The following SEPTIN12 variants were observed in gnomAD, a reference collection of about 807,000 sequenced individuals.
The protein encoded by SEPTIN12 is septin 12.
Under a neutral mutation model 37.7 loss-of-function variants are expected in SEPTIN12, and 42 were observed. That is an observed-to-expected ratio of 1.11 (90% CI 0.87 to 1.44). SEPTIN12 has a LOEUF of 1.44. Among genes scored for constraint, SEPTIN12 ranks in the 40% most tolerant of loss-of-function variants. SEPTIN12 has a pLI of 0.00. For missense variants in SEPTIN12, 613 were observed against 479.2 expected (o/e 1.28, Z -2.61); for synonymous variants, 254 against 196.7 (o/e 1.29, Z -2.44).
intron 8 of SEPTIN12, among the ~76,000 whole-genome samples, 154 bp from the exon 9 acceptor site, chr16:4,778,291 C>G (rs1405569723): frequency 1.3e-5 from 2 of 152,232 alleles, no homozygotes; most frequent in African/African-American, 4.8e-5. Context: ...CATTCATTCA[C>G]CCACTGTTGT....
rs747794006 is a variant in SEPTIN12 at position 4,784,273 on chromosome 16, ACTGT to A, written c.375-209_375-206del. The A allele has an allele frequency of 8.9e-4, 524 of 585,670 alleles. 2 individuals are homozygous for A. Among genetic ancestry groups the A allele is most frequent in the Non-Finnish European group, 1.2e-4 (39 of 327,484 alleles). The allele number at this position is 585,670 out of a possible 1,614,324, so 36.3% of individuals were successfully genotyped here. ...GAGACCTCCTGCCATTCTCGGCTTC[ACTGT>A]CTGTAAAATGGAGACAATAGTAGCA... On this transcript the variant is annotated intron_variant, in intron 4 of 9. Coordinates refer to ENST00000268231, the MANE Select transcript of SEPTIN12 (RefSeq NM_144605.5).
chr16:4,787,345 C>T lies in SEPTIN12; in HGVS notation c.166+135G>A, dbSNP rs1027002675. 1.3e-4 allele frequency: 109 copies of T among 818,176 alleles called. No homozygotes were observed. In the African/African-American group the frequency reaches 1.7e-3, roughly 13 times the overall value. 50.7% of individuals were successfully genotyped at this position (818,176 alleles called of 1,614,324 possible). On this transcript the variant is annotated intron_variant, in intron 2 of 9. Coordinates refer to ENST00000268231, the MANE Select transcript of SEPTIN12 (RefSeq NM_144605.5). ...GCATTTCTCAAATTTTCAATGACAA[C>T]ATCCCTGTGAGGTGCTATTATCAGG...
chr16:4,786,252 C>A (rs2082442721), intron 2 of SEPTIN12, 147 bp from the exon 3 acceptor site: 7 of 1,069,632 alleles, frequency 6.5e-6, no homozygotes, highest in Non-Finnish European at 9.1e-6. Flanking sequence ...CCGTTCACTG[C>A]AGCCTCGACC....
At chr16:4,787,429 C>A (rs1213537912) in intron 2 of SEPTIN12, 51 bp downstream of exon 2, 3 of 1,559,820 alleles carry the variant, frequency 1.9e-6, no homozygotes, top group Non-Finnish European at 2.6e-6. Flanking sequence ...CACGCCCAGG[C>A]ACGCGTAGCA....
At chr16:4,788,243 G>T (rs1470367873) in intron 1 of SEPTIN12, 37 bp downstream of exon 1, 1 of 154,862 alleles carries the variant, frequency 6.5e-6, no homozygotes, top group East Asian at 1.9e-4. Flanking sequence ...AGAGCCCACG[G>T]GGGGCAGAGA....
In SEPTIN12 at chr16:4,787,562, A is replaced by G; in HGVS notation, c.84T>C (p.Gly28=). 1.2e-6 allele frequency: 2 copies of G among 1,611,464 alleles called. No homozygotes were observed. Among genetic ancestry groups the G allele is most frequent in the Non-Finnish European group, 1.7e-6 (2 of 1,179,880 alleles). ...SPSTPPCEML[G]PVGIEAVLDQ... ...CCAGCACAGCCTCAATGCCCACAGGACCAAGCATCTCGCAGGGTGGGGTGC... is the reference window on the plus strand; with the variant it reads ...CCAGCACAGCCTCAATGCCCACAGGGCCAAGCATCTCGCAGGGTGGGGTGC... Residue 28 remains glycine, a synonymous_variant, in exon 2 of 10, where the codon GGT becomes GGC. Transcript: ENST00000268231.
chr16:4,779,035 G>A (rs941408316), intron 8 of SEPTIN12, among the ~76,000 whole-genome samples: 3 of 151,908 alleles, frequency 2.0e-5, no homozygotes, highest in African/African-American at 7.3e-5. Context: ...CTCTTTGGGA[G>A]GCTGAGACAG....
chr16:4,786,921 C>G (rs575765522), intron 2 of SEPTIN12, among the ~76,000 whole-genome samples: 1 of 152,114 alleles, frequency 6.6e-6, no homozygotes, highest in South Asian at 2.1e-4. Flanking sequence ...GTCACCCAGG[C>G]TGGAGTACAG....
intron 4 of SEPTIN12, chr16:4,784,301 C>A: frequency 1.8e-6 from 1 of 544,746 alleles, no homozygotes; most frequent in Non-Finnish European, 3.3e-6. Context: ...ACAATAGTAG[C>A]ACCTACGTTG....
chr16:4,777,800 G>A lies in SEPTIN12; in HGVS notation c.1074C>T (p.Phe358=), dbSNP rs747219323. Residue 358 remains phenylalanine, a synonymous_variant, in exon 10 of 10, where the codon TTC becomes TTT. Transcript: ENST00000268231. ...CAGCCCCGGGATCCGCCGGTGGTCA[G>A]AACTCATCATCAGAATCGTCATGGG... The part of the protein sequence containing the change: ...RGAHDDSDDE[F] 4.5e-6 allele frequency: 7 copies of A among 1,551,246 alleles called. No individual in the cohort carries two copies. The Admixed American group carries it at 1.4e-4, about 31-fold the overall frequency.
At chr16:4,783,613 C>CTG (rs774366269) in intron 6 of SEPTIN12, 36 bp downstream of exon 6, 1 of 1,611,948 alleles carries the variant, frequency 6.2e-7, no homozygotes, top group Non-Finnish European at 8.5e-7. Context: ...CCCTCTGCCC[C>CTG]CGCTGACCCC....
intron 7 of SEPTIN12, among the ~76,000 whole-genome samples, chr16:4,780,921 G>T (rs912882882): frequency 1.4e-4 from 21 of 151,940 alleles, no homozygotes; most frequent in African/African-American, 4.8e-4. Context: ...GGAGGTTGCT[G>T]TGAACGGAGA....
Position 4,783,945 on chromosome 16 carries a change from T to A in SEPTIN12, c.498A>T (p.Pro166=). ...TRVHCCVYFV[P]PTGHCLRPLD... ...AGCCCCCTCACCAGTGCCCAGTGGG[T>A]GGTACAAAGTACACGCAGCAGTGCA... is the stretch of plus-strand genomic sequence containing the variant. The change falls in exon 5 of 10, where the codon CCA becomes CCT. Residue 166 remains proline, a synonymous_variant. Coordinates refer to ENST00000268231, the MANE Select transcript of SEPTIN12 (RefSeq NM_144605.5). The A allele has an allele frequency of 6.2e-7, 1 of 1,614,072 alleles. No homozygotes were observed. Among genetic ancestry groups the A allele is most frequent in the Non-Finnish European group, 8.5e-7 (1 of 1,179,994 alleles).
chr16:4,780,627 T>G (rs1295704476), intron 7 of SEPTIN12, among the ~76,000 whole-genome samples: 1 of 152,140 alleles, frequency 6.6e-6, no homozygotes, highest in African/African-American at 2.4e-5. Context: ...ACTTGCAAAC[T>G]CCGAAGTGAC....
chr16:4,787,706 C>T (rs2082481292), intron 1 of SEPTIN12, 39 bp from the exon 2 acceptor site: 3 of 844,982 alleles, frequency 3.6e-6, no homozygotes, highest in Non-Finnish European at 5.6e-6. Context: ...GTCACTGGGG[C>T]TCAGAGGAGC....
chr16:4,787,667 C>G lies in SEPTIN12; in HGVS notation c.-22G>C. Reference sequence around the variant, plus strand: ...CCATGGGGGCCAAGGGTTCGAGATGCCTGTCACCAGGTGGGTGGGGAGAAG... The same window carrying G: ...CCATGGGGGCCAAGGGTTCGAGATGGCTGTCACCAGGTGGGTGGGGAGAAG... On this transcript the variant is annotated splice_region_variant and 5_prime_UTR_variant, in exon 2 of 10. Transcript: ENST00000268231. 1 of 1,454,588 alleles carries G rather than the reference C, an allele frequency of 6.9e-7. No homozygotes were observed. The highest frequency in any genetic ancestry group is 9.4e-7 in the Non-Finnish European group (1 of 1,065,738). 90.1% of individuals were successfully genotyped at this position (1,454,588 alleles called of 1,614,324 possible). A position where few individuals can be genotyped will look rare whatever the true frequency, so the allele number is the denominator to read the frequency against.
At chr16:4,781,804 C>T (rs2082374275) in intron 7 of SEPTIN12, among the ~76,000 whole-genome samples, 1 of 151,234 alleles carries the variant, frequency 6.6e-6, no homozygotes, top group African/African-American at 2.4e-5. Context: ...ACCACCACAC[C>T]CGGCTAATTT....
chr16:4,789,630 T>C (rs1186184093), upstream of SEPTIN12, among the ~76,000 whole-genome samples: 1 of 152,114 alleles, frequency 6.6e-6, no homozygotes, highest in Admixed American at 6.6e-5. Flanking sequence ...CCAGCCCTTT[T>C]TAAAATTTTT....
chr16:4,779,692 T>C lies in SEPTIN12; in HGVS notation c.821A>G (p.Glu274Gly). Residue 274 changes from glutamate to glycine, a missense_variant and splice_region_variant, in exon 8 of 10, where the codon GAA becomes GGA. By Grantham distance (98) the Glu-to-Gly change is moderately conservative. Coordinates refer to ENST00000268231, the MANE Select transcript of SEPTIN12 (RefSeq NM_144605.5). Reference protein sequence around the residue: ...LGRKTKWGIIEVENMAHCEFP... With the variant: ...LGRKTKWGIIGVENMAHCEFP... ...CTACCCAGGGGCCCCGCACTGACCT[T>C]CAATGATGCCCCACTTGGTCTTCCG... The C allele has an allele frequency of 6.2e-7, 1 of 1,608,046 alleles. No homozygotes were observed. Among genetic ancestry groups the C allele is most frequent in the Non-Finnish European group, 8.5e-7 (1 of 1,174,628 alleles).
Sources: gnomAD v4.1 joint callset for allele counts (sites outside exome capture counted in the v4.1 genomes callset) on GRCh38, gnomAD v4.1.1 for gene constraint, MANE v1.5 for transcripts, NCBI Gene and HGNC (gene_info 2026-07-23, HGNC 2026-07-21) for gene names.